SOX6: variants seen among roughly 807,000 people sequenced by gnomAD.
The protein encoded by SOX6 is SRY-box transcription factor 6.
In SOX6, 11 loss-of-function variants were observed where a neutral mutation model predicts 97.8. That is an observed-to-expected ratio of 0.11 (90% CI 0.07 to 0.19). The LOEUF (loss-of-function observed/expected upper bound fraction) is 0.19, where lower values mean the gene tolerates loss of function less well. Among genes scored for constraint, SOX6 ranks in the 10% least tolerant of loss-of-function variants. The probability of loss-of-function intolerance (pLI) is 1.00; values close to 1 mark genes in which losing one functional copy is unlikely to be tolerated. For missense variants in SOX6, 810 were observed against 1,039.5 expected (o/e 0.78, Z 3.04); for synonymous variants, 360 against 371.4 (o/e 0.97, Z 0.35).
At chr11:16,264,738 C>A (rs922234137) in intron 3 of SOX6, 2 of 150,224 alleles carry the variant, frequency 1.3e-5, no homozygotes, top group Non-Finnish European at 3.0e-5. Flanking sequence ...TGTTTCACAT[C>A]TTTAATTTTC....
At chr11:16,216,934 A>C (rs1852390032) in intron 4 of SOX6, among the ~76,000 whole-genome samples, 1 of 152,200 alleles carries the variant, frequency 6.6e-6, no homozygotes. Context: ...TTCACAGTCA[A>C]CTGTGAGGGT....
At chr11:16,285,490 C>A (rs1376711311) in intron 3 of SOX6, among the ~76,000 whole-genome samples, 1 of 152,034 alleles carries the variant, frequency 6.6e-6, no homozygotes, top group African/African-American at 2.4e-5. Context: ...GTCGAGATCG[C>A]ACCATTGCAC....
At chr11:16,724,953 C>G (rs532036113) in intron 2 of SOX6, among the ~76,000 whole-genome samples, 8 of 152,322 alleles carry the variant, frequency 5.3e-5, no homozygotes, top group East Asian at 3.9e-4. Flanking sequence ...AACAGTCTGA[C>G]AGTTCCTCAA....
intron 5 of SOX6, 148 bp from the exon 6 acceptor site, chr11:16,184,102 A>T: frequency 1.3e-6 from 1 of 748,512 alleles, no homozygotes; most frequent in Non-Finnish European, 2.2e-6. Context: ...AATCAGAAAG[A>T]TGGATGAAAG....
chr11:16,185,542 C>G (rs760234862), intron 5 of SOX6, among the ~76,000 whole-genome samples: 2 of 152,148 alleles, frequency 1.3e-5, no homozygotes, highest in Non-Finnish European at 2.9e-5. Flanking sequence ...CCATGTGGCT[C>G]AAATTCTGAA....
Position 16,566,578 on chromosome 11 carries a change from A to G in SOX6, n.609+45503T>C, listed in dbSNP as rs151337719. ...AACTCAGCCAAAGCATTATTGCCCT[A>G]TGGTTTTCAGAGATCCCCAGCTCTT... On this transcript the variant is annotated intron_variant and non_coding_transcript_variant, in intron 4 of 5. Coordinates refer to the SOX6 transcript ENST00000524520. Among the ~76,000 whole-genome samples, 862 of 152,368 alleles carry G rather than the reference A, an allele frequency of 5.7e-3. 12 individuals are homozygous for G. The highest frequency in any genetic ancestry group is 0.018 in the African/African-American group (763 of 41,584).
rs763243286 is a variant in SOX6 at position 16,111,850 on chromosome 11, G to A, written c.851C>T (p.Ala284Val). 6.2e-7 allele frequency: 1 copy of A among 1,612,992 alleles called. No homozygotes were observed. The highest frequency in any genetic ancestry group is 8.5e-7 in the Non-Finnish European group (1 of 1,179,974). Residue 284 changes from alanine (A) to valine (V), a missense_variant, in exon 7 of 16, where the codon GCT becomes GTT. Ala to Val is a moderately conservative substitution (Grantham distance 64). Transcript: ENST00000683767. ...GGGGAAGAGGAATCCCTGTTGGGCA[G>A]CAGCAGCTGCTGCCAGAGTCCGCTG... The part of the protein sequence containing the change: ...HDQRTLAAAA[A>V]AQQGFLFPPG...
chr11:16,565,487 A>C (rs1192734822), intron 4 of SOX6, among the ~76,000 whole-genome samples: 1 of 152,034 alleles, frequency 6.6e-6, no homozygotes, highest in Non-Finnish European at 1.5e-5. Flanking sequence ...AACAAATATG[A>C]TACAAAAAAA....
rs898361874 is a variant in SOX6 at position 16,540,350 on chromosome 11, C to T, written n.610-63962G>A. Among the ~76,000 whole-genome samples the T allele has an allele frequency of 9.2e-5, 14 of 151,972 alleles. No individual in the cohort carries two copies. In the East Asian group the frequency reaches 2.5e-3, roughly 27 times the overall value. On this transcript the variant is annotated intron_variant and non_coding_transcript_variant, in intron 4 of 5. Coordinates refer to the SOX6 transcript ENST00000524520. Reference sequence around the variant, plus strand: ...ATAATAAGAGCTATCTATGACAAACCCACAGCCAATATCATACTGAATGGG... The same window carrying T: ...ATAATAAGAGCTATCTATGACAAACTCACAGCCAATATCATACTGAATGGG...
chr11:16,650,875 T>C (rs1180596001), intron 3 of SOX6, among the ~76,000 whole-genome samples: 3 of 151,628 alleles, frequency 2.0e-5, no homozygotes, highest in African/African-American at 7.3e-5. Context: ...GATAGACCAT[T>C]AGCAAGATTA....
chr11:16,289,755 G>T (rs920462940), intron 3 of SOX6, among the ~76,000 whole-genome samples: 1 of 151,882 alleles, frequency 6.6e-6, no homozygotes, highest in Non-Finnish European at 1.5e-5. Flanking sequence ...TCTCTGTAAG[G>T]AATAAAAGCA....
upstream of SOX6, among the ~76,000 whole-genome samples, chr11:16,360,723 G>A (rs1401606581): frequency 6.6e-6 from 1 of 152,140 alleles, no homozygotes; most frequent in Non-Finnish European, 1.5e-5. Context: ...GAAGTTTTTG[G>A]CCAGGCACAG....
At chr11:16,037,487 C>T (rs1207489911) in intron 12 of SOX6, among the ~76,000 whole-genome samples, 3 of 152,160 alleles carry the variant, frequency 2.0e-5, no homozygotes, top group Non-Finnish European at 2.9e-5. Context: ...TGGAGTTCCA[C>T]CTACAGAACT....
chr11:16,132,405 G>GAAA (rs1248010884), intron 6 of SOX6, among the ~76,000 whole-genome samples: 192 of 47,502 alleles, frequency 4.0e-3, no homozygotes, highest in Non-Finnish European at 5.1e-3. Flanking sequence ...AAAGAAAAAA[G>GAAA]AAAGAAAGAA....
chr11:16,412,125 A>G (rs1173152545), intron 1 of SOX6, among the ~76,000 whole-genome samples: 1 of 152,168 alleles, frequency 6.6e-6, no homozygotes, highest in Admixed American at 6.5e-5. Flanking sequence ...AATTTATTCT[A>G]TTTTCAAAAT....
chr11:16,354,907 A>G (rs1031750884), intron 1 of SOX6, among the ~76,000 whole-genome samples: 1 of 151,790 alleles, frequency 6.6e-6, no homozygotes, highest in African/African-American at 2.4e-5. Flanking sequence ...ATTTTTTTTT[A>G]TTTCTAAATC....
intron 4 of SOX6, among the ~76,000 whole-genome samples, chr11:16,485,548 G>A (rs143680603): frequency 0.015 from 2,294 of 152,002 alleles, 62 homozygotes; most frequent in African/African-American, 0.053. Context: ...TGGTCAACAT[G>A]GTGAAACCCT....
intron 3 of SOX6, among the ~76,000 whole-genome samples, chr11:16,271,788 A>T (rs916365286): frequency 2.0e-5 from 3 of 151,274 alleles, no homozygotes; most frequent in African/African-American, 7.2e-5. Context: ...TGTATTACAT[A>T]TTAATTATTT....
chr11:16,171,673 G>T (rs1268967704), intron 6 of SOX6, among the ~76,000 whole-genome samples: 1 of 151,708 alleles, frequency 6.6e-6, no homozygotes, highest in Non-Finnish European at 1.5e-5. Flanking sequence ...TATAAAAAAT[G>T]ACATTAAGGT....
Sources: allele counts gnomAD v4.1 joint callset (sites outside exome capture counted in the v4.1 genomes callset), GRCh38; gene constraint gnomAD v4.1.1; transcripts MANE v1.5; gene names NCBI Gene and HGNC (gene_info 2026-07-23, HGNC 2026-07-21).